UNC13C: variants seen among roughly 807,000 people sequenced by gnomAD.
The protein encoded by UNC13C is unc-13 homolog C.
A neutral mutation model predicts 245.4 loss-of-function variants in UNC13C; 174 were observed. That is an observed-to-expected ratio of 0.71 (90% CI 0.63 to 0.80). The LOEUF is 0.80. Among genes scored for constraint, UNC13C ranks in the 30% least tolerant of loss-of-function variants. UNC13C has a pLI of 0.00. For synonymous variants in UNC13C, 992 were observed against 895.1 expected, an observed-to-expected ratio of 1.11 and a Z score of -1.93; for missense variants, 2,829 against 2,602.9, an observed-to-expected ratio of 1.09 and a Z score of -1.89.
intron 4 of UNC13C, among the ~76,000 whole-genome samples, chr15:54,195,685 A>G (rs902909412): frequency 2.0e-5 from 3 of 152,086 alleles, no homozygotes; most frequent in African/African-American, 4.8e-5. Context: ...ATCATCTCTC[A>G]TTACCATTTT....
At chr15:53,915,950 T>C in the UNC13C span, among the ~76,000 whole-genome samples, 1 of 152,222 alleles carries the variant, frequency 6.6e-6, no homozygotes, top group Admixed American at 6.5e-5. Context: ...GTCTGTAAAA[T>C]GAAAATAAAT....
intron 13 of UNC13C, among the ~76,000 whole-genome samples, chr15:54,318,568 G>A (rs777869962): frequency 5.3e-5 from 8 of 151,528 alleles, no homozygotes; most frequent in African/African-American, 1.7e-4. Context: ...ATTTTTACTC[G>A]GATTATTTGT....
At chr15:53,997,769 G>C (rs1387722042) in intron 1 of UNC13C, among the ~76,000 whole-genome samples, 3 of 151,996 alleles carry the variant, frequency 2.0e-5, no homozygotes, top group South Asian at 2.1e-4. Flanking sequence ...AAATTAGGTA[G>C]TGTTAATCCT....
At chr15:53,904,760 G>C in the UNC13C span, among the ~76,000 whole-genome samples, 3 of 152,108 alleles carry the variant, frequency 2.0e-5, no homozygotes, top group Admixed American at 2.0e-4. Flanking sequence ...ATACATTTTG[G>C]AATCAGCTTC....
chr15:54,485,397 G>A (rs1307935375), intron 19 of UNC13C, among the ~76,000 whole-genome samples: 1 of 152,196 alleles, frequency 6.6e-6, no homozygotes, highest in African/African-American at 2.4e-5. Flanking sequence ...GTAAGGCTAT[G>A]TAGTGGAAAG....
chr15:54,582,776 A>T (rs954777801), intron 30 of UNC13C, among the ~76,000 whole-genome samples: 4 of 151,892 alleles, frequency 2.6e-5, no homozygotes, highest in Non-Finnish European at 4.4e-5. Context: ...TGTTAGCCTG[A>T]CTCCTTGTTA....
chr15:54,278,666 T>C (rs1467409683), intron 10 of UNC13C, among the ~76,000 whole-genome samples: 2 of 152,176 alleles, frequency 1.3e-5, no homozygotes, highest in African/African-American at 4.8e-5. Context: ...TTAAATGTAA[T>C]ATCTTTCTTA....
At chr15:54,438,745 A>C (rs1214639440) in intron 19 of UNC13C, among the ~76,000 whole-genome samples, 2 of 151,920 alleles carry the variant, frequency 1.3e-5, no homozygotes, top group Non-Finnish European at 2.9e-5. Context: ...CAGCACATCA[A>C]GAATTTATCC....
At chr15:53,939,887 G>A in the UNC13C span, among the ~76,000 whole-genome samples, 2 of 152,164 alleles carry the variant, frequency 1.3e-5, no homozygotes, top group African/African-American at 4.8e-5. Context: ...ATTACAGACA[G>A]AGGAGACAGC....
At chr15:53,891,579 C>G in the UNC13C span, among the ~76,000 whole-genome samples, 2 of 152,128 alleles carry the variant, frequency 1.3e-5, no homozygotes, top group Admixed American at 6.5e-5. Context: ...ATAGTTAGCT[C>G]TTCTTTTTGA....
In UNC13C at chr15:54,109,276, C is replaced by T. The variant is rs1441678590; in HGVS notation, c.2984-33742C>T. Among the ~76,000 whole-genome samples, 15 of 57,782 alleles carry T rather than the reference C, an allele frequency of 2.6e-4. 1 individual carries two copies. Among genetic ancestry groups the T allele is most frequent in the Admixed American group, 1.6e-3 (9 of 5,524 alleles). 37.9% of individuals were successfully genotyped at this position (57,782 alleles called of 152,430 possible). ...TTTCCTTTCCTTTCCCTCTCCTCCC[C>T]TCCCCTCCCCTCCCCTCCCTTCCCC... On this transcript the variant is annotated intron_variant, in intron 2 of 32. Transcript: ENST00000260323.
intron 11 of UNC13C, among the ~76,000 whole-genome samples, chr15:54,295,115 A>G (rs1473111108): frequency 6.6e-6 from 1 of 152,108 alleles, no homozygotes; most frequent in Non-Finnish European, 1.5e-5. Context: ...CCTCTGCTAT[A>G]ATGAGCCACC....
At chr15:53,858,491 G>T in the UNC13C span, among the ~76,000 whole-genome samples, 1 of 151,326 alleles carries the variant, frequency 6.6e-6, no homozygotes, top group Admixed American at 6.6e-5. Flanking sequence ...CATGATCTTG[G>T]CTCATTGCAA....
intron 14 of UNC13C, among the ~76,000 whole-genome samples, chr15:54,330,119 A>G (rs1052970760): frequency 2.0e-5 from 3 of 151,824 alleles, no homozygotes; most frequent in Admixed American, 1.3e-4. Context: ...TCTGGAGGCT[A>G]TTAGAGTTTT....
chr15:54,545,725 T>C (rs879676513), intron 26 of UNC13C, among the ~76,000 whole-genome samples: 32 of 152,160 alleles, frequency 2.1e-4, no homozygotes, highest in Admixed American at 2.1e-3. Context: ...TTACTGGTCA[T>C]TATTACTGGT....
chr15:53,882,817 C>CGAGAA, the UNC13C span, among the ~76,000 whole-genome samples: 3 of 152,040 alleles, frequency 2.0e-5, no homozygotes, highest in Non-Finnish European at 4.4e-5. Context: ...GTGTTCTTCT[C>CGAGAA]CACTGAGGAT....
intron 4 of UNC13C, among the ~76,000 whole-genome samples, chr15:54,145,826 G>A (rs901733056): frequency 4.6e-5 from 7 of 152,196 alleles, no homozygotes; most frequent in Admixed American, 1.3e-4. Flanking sequence ...GAATATGGAC[G>A]TGATCCTTGT....
chr15:53,890,431 G>T, the UNC13C span, among the ~76,000 whole-genome samples: 27 of 152,170 alleles, frequency 1.8e-4, no homozygotes, highest in Non-Finnish European at 2.4e-4. Context: ...ATGAGCCACT[G>T]CGCCCAGCTA....
At chr15:54,383,802 C>G (rs1007803759) in intron 17 of UNC13C, among the ~76,000 whole-genome samples, 10 of 152,008 alleles carry the variant, frequency 6.6e-5, no homozygotes, top group Non-Finnish European at 1.5e-4. Flanking sequence ...AACTTATAAA[C>G]AAAGTCAGTA....
Sources: gnomAD v4.1 joint callset for allele counts (sites outside exome capture counted in the v4.1 genomes callset) on GRCh38, gnomAD v4.1.1 for gene constraint, MANE v1.5 for transcripts, NCBI Gene and HGNC (gene_info 2026-07-23, HGNC 2026-07-21) for gene names.